The following ZBP1 variants were observed in gnomAD, a reference collection of about 807,000 sequenced individuals.
ZBP1 encodes Z-DNA binding protein 1, also known as Z-DNA-binding protein 1.
ZBP1 carries 42 observed loss-of-function variants against 41.1 expected under a neutral mutation model. The ratio of observed to expected loss-of-function variants is 1.02; its 90% CI spans 0.80 to 1.32. The LOEUF (loss-of-function observed/expected upper bound fraction) is 1.32. Among genes scored for constraint, ZBP1 ranks in the 40% most tolerant of loss-of-function variants. The pLI, the probability that ZBP1 is intolerant of heterozygous loss-of-function variation, is 0.00. For synonymous variants in ZBP1, 214 were observed against 205.2 expected, an observed-to-expected ratio of 1.04 and a Z score of -0.37; for missense variants, 562 against 549.7, an observed-to-expected ratio of 1.02 and a Z score of -0.22.
chr20:57,609,712 C>T (rs1319236994), intron 7 of ZBP1, among the ~76,000 whole-genome samples: 1 of 152,140 alleles, frequency 6.6e-6, no homozygotes, highest in Non-Finnish European at 1.5e-5. Flanking sequence ...TCAGCCTGTG[C>T]CCTGATGCAG....
At chr20:57,609,390 C>T (rs971721074) in intron 7 of ZBP1, among the ~76,000 whole-genome samples, 3 of 152,192 alleles carry the variant, frequency 2.0e-5, no homozygotes, top group East Asian at 1.9e-4. Context: ...GAGCCCCCTC[C>T]CCTGAGTCTC....
At position 57,613,091 on chromosome 20, in the gene ZBP1, C is replaced by T. The variant is rs766897023; in HGVS notation, c.670+72G>A. 3 of 1,593,056 alleles carry T rather than the reference C, an allele frequency of 1.9e-6. No homozygotes were observed. The African/African-American group carries it at 4.0e-5, about 21-fold the overall frequency. ...AATCCCCCCACTCCCCATCCCTACC[C>T]TTTGCCCCCACCCAGAGGATCCGGT... is the stretch of plus-strand genomic sequence containing the variant. On this transcript the variant is annotated intron_variant, in intron 5 of 7. Coordinates refer to ENST00000371173, the MANE Select transcript of ZBP1 (RefSeq NM_030776.3). The surrounding 1 kb of genome is among the most constrained non-coding windows in gnomAD (Gnocchi z 4.5).
At position 57,616,498 on chromosome 20, in the gene ZBP1, G is replaced by A. The variant is rs1351382148; in HGVS notation, c.35-30C>T. On this transcript the variant is annotated intron_variant, in intron 1 of 7. Coordinates refer to ENST00000371173, the MANE Select transcript of ZBP1 (RefSeq NM_030776.3). ...GGGAGCGAGCGGGGGACAGAGAGGG[G>A]AACTGAGTCTCCCAGGTCCCCACAG... The A allele has an allele frequency of 3.1e-6, 5 of 1,609,736 alleles. No homozygotes were observed. In the East Asian group the frequency reaches 8.9e-5, roughly 29 times the overall value.
chr20:57,604,415 C>T lies in ZBP1; in HGVS notation c.*158G>A. The T allele has an allele frequency of 1.1e-6, 1 of 917,020 alleles. No homozygotes were observed. The highest frequency in any genetic ancestry group is 1.7e-6 in the Non-Finnish European group (1 of 572,836). 56.8% of individuals were successfully genotyped at this position (917,020 alleles called of 1,614,324 possible). On this transcript the variant is annotated 3_prime_UTR_variant, in exon 8 of 8. Coordinates refer to ENST00000371173, the MANE Select transcript of ZBP1 (RefSeq NM_030776.3). ...TCAAAAGACCTGGCCTGAACCCATCCCCATGCCAGGTCCATTCCCCCAAAA... is the reference window on the plus strand; with the variant it reads ...TCAAAAGACCTGGCCTGAACCCATCTCCATGCCAGGTCCATTCCCCCAAAA...
intron 7 of ZBP1, chr20:57,607,431 G>C: frequency 6.0e-6 from 7 of 1,157,298 alleles, no homozygotes; most frequent in Non-Finnish European, 7.7e-6. Context: ...AAAGAAAGTG[G>C]TTTCTTGAGA....
rs143432228 is a variant in ZBP1 at position 57,610,350 on chromosome 20, C to T, written c.892G>A (p.Gly298Ser). Reference protein sequence around the residue: ...GSPPVSATAAGPEASFEARIP... With the variant: ...GSPPVSATAASPEASFEARIP... The stretch of plus-strand genomic sequence containing the variant: ...CTTGCTTCAAACGAAGCTTCTGGGC[C>T]GGCAGCAGTGGCAGAGACTGTGGGT... Residue 298 changes from glycine (G) to serine (S), a missense_variant, in exon 7 of 8, where the codon GGC becomes AGC. Gly to Ser is a moderately conservative substitution (Grantham distance 56). Transcript: ENST00000371173. The surrounding 1 kb of genome is among the most constrained non-coding windows in gnomAD (Gnocchi z 5.5). 2.2e-5 allele frequency: 36 copies of T among 1,614,116 alleles called. No homozygotes were observed. In the African/African-American group the frequency reaches 2.4e-4, roughly 11 times the overall value.
rs2070636974 is a variant in ZBP1 at position 57,610,585 on chromosome 20, C to G, written c.875-218G>C. Reference sequence around the variant, plus strand: ...GAAGCGTCTTTCTGCTCCACTGATCCCGCAGTGGGTCTGCCCCACTGATCC... The same window carrying G: ...GAAGCGTCTTTCTGCTCCACTGATCGCGCAGTGGGTCTGCCCCACTGATCC... On this transcript the variant is annotated intron_variant, in intron 6 of 7. Transcript: ENST00000371173. The surrounding 1 kb of genome is among the most constrained non-coding windows in gnomAD (Gnocchi z 5.5). The G allele has an allele frequency of 1.0e-5, 6 of 596,938 alleles. No individual in the cohort carries two copies. The East Asian group carries it at 1.4e-4, about 14-fold the overall frequency. The allele number at this position is 596,938 out of a possible 1,614,324, so 37.0% of individuals were successfully genotyped here. A position where few individuals can be genotyped will look rare whatever the true frequency, so the allele number is the denominator to read the frequency against.
Position 57,613,372 on chromosome 20 carries a change from T to C in ZBP1, c.503-42A>G. On this transcript the variant is annotated intron_variant, in intron 4 of 7. Coordinates refer to ENST00000371173, the MANE Select transcript of ZBP1 (RefSeq NM_030776.3). This position sits in a 1 kb window ranked among gnomAD's most constrained non-coding sequence, Gnocchi z 4.5. Reference sequence around the variant, plus strand: ...AACTGTATCCCTTTGCCACTGTCTATGGGTCAGGGGTTCCCAATACCAGTC... The same window carrying C: ...AACTGTATCCCTTTGCCACTGTCTACGGGTCAGGGGTTCCCAATACCAGTC... 2 of 1,592,188 alleles carry C rather than the reference T, an allele frequency of 1.3e-6. No homozygotes were observed. Among genetic ancestry groups the C allele is most frequent in the Non-Finnish European group, 1.7e-6 (2 of 1,170,668 alleles).
chr20:57,616,127 A>G, intron 2 of ZBP1, 117 bp downstream of exon 2: 2 of 931,404 alleles, frequency 2.1e-6, no homozygotes, highest in Non-Finnish European at 3.3e-6. Context: ...AGAGAGAGGA[A>G]ACCTGTGAGC....
At chr20:57,612,090 G>A (rs1002442451) in intron 5 of ZBP1, among the ~76,000 whole-genome samples, 160 bp from the exon 6 acceptor site, 2 of 152,160 alleles carry the variant, frequency 1.3e-5, no homozygotes, top group African/African-American at 2.4e-5. Flanking sequence ...AGGACCTGGC[G>A]GAATAGCTCA....
Position 57,615,080 on chromosome 20 carries a change from G to A in ZBP1, c.329-20C>T. 2 of 1,613,864 alleles carry A rather than the reference G, an allele frequency of 1.2e-6. No individual in the cohort carries two copies. Among genetic ancestry groups the A allele is most frequent in the Non-Finnish European group, 1.7e-6 (2 of 1,179,800 alleles). ...CTTCCTCTGGGAGGCAGGATGGCCA[G>A]GTGGTTAGGGAGTAGTCCTAGGGTT... On this transcript the variant is annotated intron_variant, in intron 3 of 7. Coordinates refer to ENST00000371173, the MANE Select transcript of ZBP1 (RefSeq NM_030776.3).
chr20:57,607,191 T>C, intron 7 of ZBP1: 1 of 1,304,146 alleles, frequency 7.7e-7, no homozygotes, highest in Non-Finnish European at 1.0e-6. Flanking sequence ...AGAACATTTG[T>C]GATTCATGGG....
rs1486215945 is a variant in ZBP1 at position 57,613,323 on chromosome 20, A to C, written c.510T>G (p.Ser170=). 1.2e-6 allele frequency: 2 copies of C among 1,613,316 alleles called. No homozygotes were observed. The highest frequency in any genetic ancestry group is 1.7e-5 in the Admixed American group (1 of 60,026). The change falls in exon 5 of 8, where the codon TCT becomes TCG. Residue 170 remains serine, a synonymous_variant. Coordinates refer to ENST00000371173, the MANE Select transcript of ZBP1 (RefSeq NM_030776.3). This position sits in a 1 kb window ranked among gnomAD's most constrained non-coding sequence, Gnocchi z 4.5. ...KAWTIYRPED[S]GRRAKSASII... is the part of the protein sequence containing the mutation. ...TTGAGGCTGACTTTGCTCTTCTTCC[A>C]GAATCTTCTGCAAAATAATATTCAA...
In ZBP1 at chr20:57,616,414, T is replaced by C; in HGVS notation, c.89A>G (p.Lys30Arg). Residue 30 changes from lysine (K) to arginine (R), a missense_variant, in exon 2 of 8, where the codon AAA becomes AGA. Coordinates refer to ENST00000371173, the MANE Select transcript of ZBP1 (RefSeq NM_030776.3). ...QVLTEAGSPV[K>R]LAQLVKECQA... ...GCATTCCTTCACCAGCTGGGCAAGT[T>C]TCACCGGGGAGCCAGCCTCTGTCAG... 1 of 1,614,036 alleles carries C rather than the reference T, an allele frequency of 6.2e-7. No homozygotes were observed. Among genetic ancestry groups the C allele is most frequent in the South Asian group, 1.1e-5 (1 of 91,082 alleles).
chr20:57,605,119 C>A (rs1289674248), intron 7 of ZBP1, among the ~76,000 whole-genome samples: 7 of 151,998 alleles, frequency 4.6e-5, no homozygotes, highest in African/African-American at 1.7e-4. Flanking sequence ...CAAAACAAAA[C>A]AAAACAAAAC....
intron 7 of ZBP1, among the ~76,000 whole-genome samples, chr20:57,606,831 T>C (rs1053992344): frequency 6.6e-6 from 1 of 152,218 alleles, no homozygotes; most frequent in African/African-American, 2.4e-5. Context: ...AAACAAAATA[T>C]TCCTTTGAAC....
Position 57,615,903 on chromosome 20 carries a change from A to AG in ZBP1, c.260-324dup, listed in dbSNP as rs529463062. 18 of 525,168 alleles carry AG rather than the reference A, an allele frequency of 3.4e-5. No homozygotes were observed. The East Asian group carries it at 5.7e-4, about 17-fold the overall frequency. 32.5% of individuals were successfully genotyped at this position (525,168 alleles called of 1,614,324 possible). A position where few individuals can be genotyped will look rare whatever the true frequency, so the allele number is the denominator to read the frequency against. ...TGGCTGTGGGCTGTAAAGCTAGAAA[A>AG]GGGGGGCTGGTGGGACTGCATATGT... is the stretch of plus-strand genomic sequence containing the variant. On this transcript the variant is annotated intron_variant, in intron 2 of 7. Coordinates refer to ENST00000371173, the MANE Select transcript of ZBP1 (RefSeq NM_030776.3).
At chr20:57,604,950 T>C (rs2070459141) in intron 7 of ZBP1, among the ~76,000 whole-genome samples, 181 bp from the exon 8 acceptor site, 1 of 152,132 alleles carries the variant, frequency 6.6e-6, no homozygotes, top group African/African-American at 2.4e-5. Flanking sequence ...CCCCAGATCA[T>C]GTAGCCAGTC....
rs777278300 is a variant in ZBP1 at position 57,614,983 on chromosome 20, T to C, written c.406A>G (p.Thr136Ala). Residue 136 changes from threonine to alanine, a missense_variant, in exon 4 of 8, where the codon ACA (threonine) becomes GCA (alanine). By Grantham distance (58) the Thr-to-Ala change is moderately conservative (BLOSUM62 0). Transcript: ENST00000371173. ...LVIAQALGMR[T>A]AKDVNRDLYR... ...AAGTCTCGGTTCACATCTTTTGCTG[T>C]CCTCATTCCCAGTGCTTGGGCGATG... is the stretch of plus-strand genomic sequence containing the variant. The C allele has an allele frequency of 1.7e-5, 27 of 1,614,108 alleles. No homozygotes were observed. The highest frequency in any genetic ancestry group is 2.3e-5 in the Non-Finnish European group (27 of 1,180,042).
Sources: gnomAD v4.1 joint callset for allele counts (sites outside exome capture counted in the v4.1 genomes callset) on GRCh38, gnomAD v4.1.1 for gene constraint, Gnocchi (gnomAD v3.1) non-coding constraint, MANE v1.5 for transcripts, NCBI Gene and HGNC (gene_info 2026-07-23, HGNC 2026-07-21) for gene names.